Variants in GRK6 observed in about 807,000 individuals in gnomAD.
GRK6 encodes G protein-coupled receptor kinase 6.
A neutral mutation model predicts 80.8 loss-of-function variants in GRK6; 37 were observed. The observed-to-expected ratio is 0.46, with a 90% CI of 0.35 to 0.60. GRK6 has a LOEUF of 0.60. GRK6 is among the 20% of genes least tolerant of loss of function. GRK6 has a pLI of 0.00. For synonymous variants in GRK6, 295 were observed against 320.9 expected (o/e 0.92, Z 0.86); for missense variants, 560 against 784.6 (o/e 0.71, Z 3.42).
rs1763793636 is a variant in GRK6, at chr5:177,429,378, T to C, written c.53-1494T>C. ...CTCTTTGCTGCTGCCTTGATGTGGC[T>C]GGGAGGGGGGAGGAGGAAGTAACTG... On this transcript the variant is annotated intron_variant, in intron 1 of 15. Coordinates refer to ENST00000355472, the MANE Select transcript of GRK6 (RefSeq NM_001004106.3). This position sits in a 1 kb window ranked among gnomAD's most constrained non-coding sequence, Gnocchi z 4.3. 6.7e-6 allele frequency among the ~76,000 whole-genome samples: 1 copy of C among 149,932 alleles called. No individual in the cohort carries two copies. Among genetic ancestry groups the C allele is most frequent in the African/African-American group, 2.5e-5 (1 of 40,432 alleles).
At chr5:177,435,148 G>A (rs773014143) in intron 11 of GRK6, 27 bp downstream of exon 11, 5 of 1,543,082 alleles carry the variant, frequency 3.2e-6, no homozygotes, top group East Asian at 2.3e-5. Flanking sequence ...CGGCCCACTA[G>A]CCTCCTGGGT....
intron 13 of GRK6, chr5:177,440,168 C>G (rs947865527): frequency 6.5e-6 from 1 of 153,792 alleles, no homozygotes; most frequent in African/African-American, 2.4e-5. Context: ...ATTTAGAAAA[C>G]AATGTTAAGA....
chr5:177,430,374 C>T (rs2127370883), intron 1 of GRK6, among the ~76,000 whole-genome samples: 1 of 152,324 alleles, frequency 6.6e-6, no homozygotes. Context: ...GGGTGCCAGC[C>T]CCCTTGCCCC....
chr5:177,431,917 G>A (rs1763908925), intron 2 of GRK6, 78 bp from the exon 3 acceptor site: 1 of 1,273,752 alleles, frequency 7.9e-7, no homozygotes, highest in Non-Finnish European at 1.1e-6. Flanking sequence ...TGGGGGCCCA[G>A]GGCCTGGTGG....
Position 177,435,030 on chromosome 5 carries a change from A to G in GRK6, c.968-2A>G. 6.2e-7 allele frequency: 1 copy of G among 1,613,078 alleles called. No homozygotes were observed. Among genetic ancestry groups the G allele is most frequent in the Non-Finnish European group, 8.5e-7 (1 of 1,179,756 alleles). ...TCCACCTGTTTCTCCACCCACACTC[A>G]GGCCACATCCGCATCTCTGACCTGG... On this transcript the variant is annotated splice_acceptor_variant, in intron 10 of 15. Transcript: ENST00000355472. LOFTEE classifies it high-confidence loss of function.
At chr5:177,433,849 TGGGCAG>T in intron 8 of GRK6, 59 bp from the exon 9 acceptor site, 1 of 1,494,982 alleles carries the variant, frequency 6.7e-7, no homozygotes, top group Non-Finnish European at 8.9e-7. Context: ...AAGGCTTTTT[TGGGCAG>T]CCCTGCCGCC....
At chr5:177,433,753 C>G (rs1421094861) in intron 8 of GRK6, 77 bp downstream of exon 8, 1 of 1,572,006 alleles carries the variant, frequency 6.4e-7, no homozygotes, top group East Asian at 2.2e-5. Context: ...AGGCCCCACC[C>G]TCCCATGTGG....
chr5:177,434,562 CAG>C (rs551025001), intron 9 of GRK6, among the ~76,000 whole-genome samples: 3 of 152,190 alleles, frequency 2.0e-5, no homozygotes, highest in Non-Finnish European at 2.9e-5. Flanking sequence ...ACAGCCTAGT[CAG>C]GGGACGGATG....
Position 177,433,411 on chromosome 5 carries a change from G to A in GRK6, c.597+1G>A. ...CCTGGGCAAAGGTGGCTTTGGGGAG[G>A]TGAGTGGCCAGGCCAGAGCCCCTGG... On this transcript the variant is annotated splice_donor_variant, in intron 7 of 15. Coordinates refer to ENST00000355472, the MANE Select transcript of GRK6 (RefSeq NM_001004106.3). LOFTEE classifies it high-confidence loss of function. 1 of 1,613,560 alleles carries A rather than the reference G, an allele frequency of 6.2e-7. No homozygotes were observed. Among genetic ancestry groups the A allele is most frequent in the Non-Finnish European group, 8.5e-7 (1 of 1,179,666 alleles).
rs1461331281 is a variant in GRK6 at position 177,433,914 on chromosome 5, G to T, written c.739G>T (p.Val247Leu). 6.4e-7 allele frequency: 1 copy of T among 1,564,946 alleles called. No individual in the cohort carries two copies. Among genetic ancestry groups the T allele is most frequent in the Non-Finnish European group, 8.7e-7 (1 of 1,152,532 alleles). Residue 247 changes from valine to leucine, a missense_variant and splice_region_variant, in exon 9 of 16, where the codon GTG (valine) becomes TTG (leucine). Val to Leu is a conservative substitution (Grantham distance 32). This residue lies in a region of GRK6 where 77 missense variants were observed against 156.9 expected (regional missense o/e 0.49). Transcript: ENST00000355472. ...ILEKVNSRFV[V>L]SLAYAYETKD... Reference sequence around the variant, plus strand: ...AGGGCTCGGGTCCCCTCGGCCACAGGTGAGCTTGGCCTACGCCTATGAGAC... The same window carrying T: ...AGGGCTCGGGTCCCCTCGGCCACAGTTGAGCTTGGCCTACGCCTATGAGAC...
chr5:177,435,105 C>T lies in GRK6; in HGVS notation c.1041C>T (p.Gly347=). 2 of 1,608,820 alleles carry T rather than the reference C, an allele frequency of 1.2e-6. No individual in the cohort carries two copies. Among genetic ancestry groups the T allele is most frequent in the East Asian group, 2.2e-5 (1 of 44,808 alleles). ...GCCAGACCATCAAAGGGCGTGTGGGCACCGTGGGTTACATGGGTGAGTCTT... is the reference window on the plus strand; with the variant it reads ...GCCAGACCATCAAAGGGCGTGTGGGTACCGTGGGTTACATGGGTGAGTCTT... ...PEGQTIKGRV[G]TVGYMAPEVV... The change falls in exon 11 of 16, where the codon GGC becomes GGT. Residue 347 remains glycine (G), a synonymous_variant. Transcript: ENST00000355472.
At chr5:177,430,204 G>A (rs1186019788) in intron 1 of GRK6, among the ~76,000 whole-genome samples, 2 of 152,318 alleles carry the variant, frequency 1.3e-5, no homozygotes, top group East Asian at 1.9e-4. Context: ...CGCTGTTCCT[G>A]GTCATCTCAC....
At chr5:177,431,109 G>A (rs1561652773) in intron 2 of GRK6, 142 bp downstream of exon 2, 2 of 668,862 alleles carry the variant, frequency 3.0e-6, no homozygotes, top group Non-Finnish European at 5.2e-6. Flanking sequence ...GCACCATTCA[G>A]CCCAGTTTCA....
At position 177,431,976 on chromosome 5, in the gene GRK6, C is replaced by T. The variant is rs760517889; in HGVS notation, c.149-19C>T. The T allele has an allele frequency of 6.2e-7, 1 of 1,608,846 alleles. No individual in the cohort carries two copies. Among genetic ancestry groups the T allele is most frequent in the East Asian group, 2.2e-5 (1 of 44,860 alleles). Reference sequence around the variant, plus strand: ...TGCTCTCGGGCTGTGGACCCAGCAGCTTCCATCACTGCCAACAGAGCGTGA... The same window carrying T: ...TGCTCTCGGGCTGTGGACCCAGCAGTTTCCATCACTGCCAACAGAGCGTGA... On this transcript the variant is annotated intron_variant, in intron 2 of 15. Transcript: ENST00000355472.
At chr5:177,432,663 C>A in intron 4 of GRK6, 43 bp from the exon 5 acceptor site, 1 of 1,372,868 alleles carries the variant, frequency 7.3e-7, no homozygotes, top group Non-Finnish European at 1.0e-6. Flanking sequence ...GGGCAGCCAT[C>A]CAAGGGAGCC....
rs950126257 is a variant in GRK6, at chr5:177,431,007, G to A, written c.148+40G>A. ...GAGACTGGGGGTGCTGAGGCGAGGG[G>A]CCCTGCTGGGGCCGGGGGAGCCTCC... On this transcript the variant is annotated intron_variant, in intron 2 of 15. Transcript: ENST00000355472. The A allele has an allele frequency of 4.5e-6, 7 of 1,559,718 alleles. No homozygotes were observed. In the African/African-American group the frequency reaches 9.5e-5, roughly 21 times the overall value.
At chr5:177,433,305 C>T in intron 6 of GRK6, 42 bp from the exon 7 acceptor site, 8 of 1,613,932 alleles carry the variant, frequency 5.0e-6, no homozygotes, top group East Asian at 2.2e-5. Flanking sequence ...GCCTTGGGCT[C>T]TCCTGCTCAG....
rs1763991925 is a variant in GRK6, at chr5:177,433,212, G to A, written c.506G>A (p.Arg169His). ...TACCTCGACAGCATCTACTTCAACC[G>A]TTTCCTGCAGTGGAAGTGGCTGGAA... ...ADYLDSIYFNRFLQWKWLERQ... is the reference protein window; with the variant it reads ...ADYLDSIYFNHFLQWKWLERQ... The change falls in exon 6 of 16, where the codon CGT (arginine) becomes CAT (histidine). Residue 169 changes from arginine (R) to histidine (H), a missense_variant. By Grantham distance (29) the Arg-to-His change is conservative. This residue lies in a region of GRK6 where 77 missense variants were observed against 156.9 expected (regional missense o/e 0.49). Coordinates refer to ENST00000355472, the MANE Select transcript of GRK6 (RefSeq NM_001004106.3). 3.7e-6 allele frequency: 6 copies of A among 1,614,144 alleles called. No individual in the cohort carries two copies. The highest frequency in any genetic ancestry group is 1.1e-5 in the South Asian group (1 of 91,090).
chr5:177,432,057 T>G lies in GRK6; in HGVS notation c.211T>G (p.Cys71Gly). 1 of 1,613,198 alleles carries G rather than the reference T, an allele frequency of 6.2e-7. No individual in the cohort carries two copies. The highest frequency in any genetic ancestry group is 8.5e-7 in the Non-Finnish European group (1 of 1,179,764). Reference sequence around the variant, plus strand: ...TGGGCGCCTGCTGTTCCGAGAGTTCTGTGCCACGAGGCCGGAGCTGAGCCG... The same window carrying G: ...TGGGCGCCTGCTGTTCCGAGAGTTCGGTGCCACGAGGCCGGAGCTGAGCCG... ...PIGRLLFREF[C>G]ATRPELSRCV... Residue 71 changes from cysteine to glycine, a missense_variant, in exon 3 of 16, where the codon TGT becomes GGT. By Grantham distance (159) the Cys-to-Gly change is radical. Transcript: ENST00000355472.
Sources: gnomAD v4.1 joint callset for allele counts (sites outside exome capture counted in the v4.1 genomes callset) on GRCh38, gnomAD v4.1.1 for gene constraint, gnomAD v4.1.1 regional missense constraint, Gnocchi (gnomAD v3.1) non-coding constraint, MANE v1.5 for transcripts, NCBI Gene and HGNC (gene_info 2026-07-23, HGNC 2026-07-21) for gene names.